The following ANKRD28 variants were observed in gnomAD, a reference collection of about 807,000 sequenced individuals.
ANKRD28 encodes the protein serine/threonine-protein phosphatase 6 regulatory ankyrin repeat subunit A.
In ANKRD28, 44 loss-of-function variants were observed where a neutral mutation model predicts 126.5. The observed-to-expected ratio is 0.35, with a 90% CI of 0.27 to 0.45. ANKRD28 has a LOEUF of 0.45. Ranked by LOEUF, ANKRD28 falls within the 20% of genes least tolerant of loss-of-function variation. The pLI, the probability that ANKRD28 is intolerant of heterozygous loss-of-function variation, is 1.00. For missense variants in ANKRD28, 1,110 were observed against 1,316.6 expected (o/e 0.84, Z 2.43); for synonymous variants, 442 against 468.5 (o/e 0.94, Z 0.73).
At chr3:15,859,428 A>AGCC (rs1189551656) in exon 1 of ANKRD28, 5 of 1,517,424 alleles carry the variant, frequency 3.3e-6, no homozygotes, top group Non-Finnish European at 4.4e-6. Context: ...CGCCCACTCC[A>AGCC]GCCTCCTCCT....
chr3:15,779,836 A>T (rs532875736), intron 2 of ANKRD28, among the ~76,000 whole-genome samples: 2 of 152,356 alleles, frequency 1.3e-5, no homozygotes, highest in East Asian at 3.9e-4. Context: ...TACTGAATTT[A>T]TTCCATTCTA....
chr3:15,694,830 A>G lies in ANKRD28; in HGVS notation c.1687-17T>C, dbSNP rs2069302176. The G allele has an allele frequency of 6.2e-7, 1 of 1,610,440 alleles. No individual in the cohort carries two copies. The highest frequency in any genetic ancestry group is 1.7e-5 in the Admixed American group (1 of 59,960). On this transcript the variant is annotated splice_polypyrimidine_tract_variant and intron_variant, in intron 16 of 27. Transcript: ENST00000683139. ...TTCCATTAACTGAAAAAGAAGAGGC[A>G]TTTTAAATGTCAGAAAGACATACTA...
Position 15,712,176 on chromosome 3 carries a change from CG to C in ANKRD28, c.1236del (p.Ser412ArgfsTer17). ...AGTTTTCTGCAGCAATCTGAAAAGC[CG>C]CTTAAGGCTGCCAAATGGAGGGGGA... ...GMFPLHLAALSGFSDCCRKLL... is the reference protein window; with the variant it reads ...GMFPLHLAALXGFSDCCRKLL... On this transcript the variant is annotated frameshift_variant, in exon 11 of 28. Transcript: ENST00000683139. LOFTEE classifies it high-confidence loss of function. 1 of 1,585,388 alleles carries C rather than the reference CG, an allele frequency of 6.3e-7. No individual in the cohort carries two copies. The highest frequency in any genetic ancestry group is 8.6e-7 in the Non-Finnish European group (1 of 1,165,428).
rs1403568956 is a variant in ANKRD28 at position 15,668,693 on chromosome 3, A to G, written c.*1577T>C. On this transcript the variant is annotated 3_prime_UTR_variant, in exon 28 of 28. Coordinates refer to ENST00000683139, the MANE Select transcript of ANKRD28 (RefSeq NM_001349278.2). ...AGAGTGCAAGTAAATACAGTATTCAAGCAGTCACTATTTCTATGTACATGC... is the reference window on the plus strand; with the variant it reads ...AGAGTGCAAGTAAATACAGTATTCAGGCAGTCACTATTTCTATGTACATGC... The G allele has an allele frequency of 6.6e-6, 1 of 152,620 alleles. No homozygotes were observed. The highest frequency in any genetic ancestry group is 1.9e-4 in the East Asian group (1 of 5,200). The allele number at this position is 152,620 out of a possible 1,614,324, so 9.5% of individuals were successfully genotyped here.
chr3:15,774,513 C>T (rs2059166197), intron 2 of ANKRD28, among the ~76,000 whole-genome samples: 1 of 152,082 alleles, frequency 6.6e-6, no homozygotes, highest in Non-Finnish European at 1.5e-5. Context: ...CCAAACACTA[C>T]CTCACATTAT....
At chr3:15,772,758 C>T (rs1481910572) in intron 2 of ANKRD28, among the ~76,000 whole-genome samples, 2 of 152,194 alleles carry the variant, frequency 1.3e-5, no homozygotes, top group Non-Finnish European at 2.9e-5. Flanking sequence ...GCGATCTCGG[C>T]TCACTGCAAC....
Position 15,696,255 on chromosome 3 carries a change from A to G in ANKRD28, c.1548-10T>C. 2 of 1,489,024 alleles carry G rather than the reference A, an allele frequency of 1.3e-6. No homozygotes were observed. Among genetic ancestry groups the G allele is most frequent in the Non-Finnish European group, 1.8e-6 (2 of 1,086,652 alleles). The allele number at this position is 1,489,024 out of a possible 1,614,324, so 92.2% of individuals were successfully genotyped here. A position where few individuals can be genotyped will look rare whatever the true frequency, so the allele number is the denominator to read the frequency against. On this transcript the variant is annotated splice_polypyrimidine_tract_variant and intron_variant, in intron 14 of 27. Coordinates refer to ENST00000683139, the MANE Select transcript of ANKRD28 (RefSeq NM_001349278.2). ...TAAGTATTCCAGGCACCTATATACA[A>G]CAACAACAACATACTGAAAATCCTA...
intron 3 of ANKRD28, among the ~76,000 whole-genome samples, chr3:15,762,679 G>C (rs1024328466): frequency 8.6e-5 from 13 of 151,908 alleles, no homozygotes; most frequent in African/African-American, 3.1e-4. Context: ...ATATCTAAAA[G>C]TCACAGAGAA....
intron 14 of ANKRD28, among the ~76,000 whole-genome samples, chr3:15,702,973 C>G (rs2070834214): frequency 6.6e-6 from 1 of 152,172 alleles, no homozygotes; most frequent in Non-Finnish European, 1.5e-5. Context: ...AGACTAGTAT[C>G]TCCATTTCAC....
In ANKRD28 at chr3:15,685,358, T is replaced by C. The variant is rs943125316; in HGVS notation, c.2257A>G (p.Ile753Val). 1.2e-6 allele frequency: 2 copies of C among 1,614,022 alleles called. No homozygotes were observed. Among genetic ancestry groups the C allele is most frequent in the South Asian group, 1.1e-5 (1 of 91,086 alleles). The change falls in exon 21 of 28, where the codon ATA (isoleucine) becomes GTA (valine). Residue 753 changes from isoleucine to valine, a missense_variant. Transcript: ENST00000683139. ...LLRDSRGRTP[I>V]HLSAACGHIG... ...TGTCCACAGGCAGCAGACAGGTGTA[T>C]AGGCGTCCGGCCCCTGCTATCCCGA...
chr3:15,828,378 T>G (rs1475255686), intron 1 of ANKRD28, among the ~76,000 whole-genome samples: 1 of 151,964 alleles, frequency 6.6e-6, no homozygotes, highest in African/African-American at 2.4e-5. Flanking sequence ...GGCAGAAACA[T>G]GAAGTTAAAC....
chr3:15,730,589 G>C (rs917208591), intron 6 of ANKRD28, among the ~76,000 whole-genome samples: 1 of 152,182 alleles, frequency 6.6e-6, no homozygotes, highest in Non-Finnish European at 1.5e-5. Context: ...AGGTTTGTCT[G>C]TAAGAGAGGT....
At chr3:15,824,901 G>T (rs996067830) in intron 1 of ANKRD28, among the ~76,000 whole-genome samples, 1 of 152,214 alleles carries the variant, frequency 6.6e-6, no homozygotes, top group Non-Finnish European at 1.5e-5. Context: ...CATTGATACA[G>T]CCTCTGTGCA....
At chr3:15,807,954 T>G (rs1164579764) in intron 1 of ANKRD28, among the ~76,000 whole-genome samples, 1 of 152,232 alleles carries the variant, frequency 6.6e-6, no homozygotes, top group East Asian at 1.9e-4. Context: ...GTAACTTGAA[T>G]AGCTACTATG....
intron 8 of ANKRD28, among the ~76,000 whole-genome samples, chr3:15,715,113 A>G (rs1244694730): frequency 7.9e-5 from 12 of 152,198 alleles, no homozygotes; most frequent in Non-Finnish European, 1.8e-4. Flanking sequence ...ATTTTCTCAA[A>G]TCACTTAAAA....
chr3:15,817,956 C>A lies in ANKRD28; in HGVS notation c.28-22650G>T, dbSNP rs1164601867. On this transcript the variant is annotated intron_variant, in intron 1 of 27. Coordinates refer to the ANKRD28 transcript ENST00000399451. The surrounding 1 kb of genome is among the most constrained non-coding windows in gnomAD (Gnocchi z 4.5). ...AGATTACCATTGCTGTTTCTACATA[C>A]TACCAATGAACAACTGGAAATCAAA... 1.3e-5 allele frequency among the ~76,000 whole-genome samples: 2 copies of A among 152,140 alleles called. No homozygotes were observed. The highest frequency in any genetic ancestry group is 4.8e-5 in the African/African-American group (2 of 41,428).
chr3:15,812,013 C>T lies in ANKRD28; in HGVS notation c.28-16707G>A, dbSNP rs567706792. 6.6e-5 allele frequency among the ~76,000 whole-genome samples: 10 copies of T among 151,890 alleles called. No homozygotes were observed. The highest frequency in any genetic ancestry group is 2.4e-4 in the African/African-American group (10 of 41,462). On this transcript the variant is annotated intron_variant, in intron 1 of 27. Transcript: ENST00000399451. The surrounding 1 kb of genome is among the most constrained non-coding windows in gnomAD (Gnocchi z 4.1). ...ACTAAAAATAGAAAAATTAGCCAGG[C>T]GTGGTGGTACGCACCTGTAGTCCCA...
intron 4 of ANKRD28, 95 bp from the exon 5 acceptor site, chr3:15,737,328 C>A: frequency 3.0e-6 from 3 of 1,016,796 alleles, no homozygotes; most frequent in South Asian, 1.7e-5. Context: ...AAATATGTAT[C>A]TACATATGAA....
rs1269820903 is a variant in ANKRD28, at chr3:15,850,216, TATATATATAGAG to T, written c.27+9149_27+9160del. ...AAAAAAAAAAAAAAATATATATATA[TATATATATAGAG>T]AGAGAGAGAGAGAGAGAGAGAGAGA... On this transcript the variant is annotated intron_variant, in intron 1 of 27. Coordinates refer to the ANKRD28 transcript ENST00000399451. Among the ~76,000 whole-genome samples, 28 of 61,910 alleles carry T rather than the reference TATATATATAGAG, an allele frequency of 4.5e-4. 1 individual carries two copies. Among genetic ancestry groups the T allele is most frequent in the Non-Finnish European group, 8.3e-4 (24 of 28,938 alleles). 40.6% of individuals were successfully genotyped at this position (61,910 alleles called of 152,430 possible). A position where few individuals can be genotyped will look rare whatever the true frequency, so the allele number is the denominator to read the frequency against.
Sources: allele counts gnomAD v4.1 joint callset (sites outside exome capture counted in the v4.1 genomes callset), GRCh38; gene constraint gnomAD v4.1.1; non-coding constraint Gnocchi (gnomAD v3.1); transcripts MANE v1.5; gene names NCBI Gene and HGNC (gene_info 2026-07-23, HGNC 2026-07-21).